Variants in MNAT1 observed in about 807,000 individuals in gnomAD.
MNAT1 encodes CDK-activating kinase assembly factor MAT1.
In MNAT1, 43 loss-of-function variants were observed where a neutral mutation model predicts 42.0. The ratio of observed to expected loss-of-function variants is 1.02; its 90% CI spans 0.80 to 1.32. The LOEUF (loss-of-function observed/expected upper bound fraction) is 1.32. Ranked by LOEUF, MNAT1 falls within the 40% of genes most tolerant of loss-of-function variation. The pLI, the probability that MNAT1 is intolerant of heterozygous loss-of-function variation, is 0.00. For synonymous variants in MNAT1, 118 were observed against 120.0 expected (o/e 0.98, Z 0.11); for missense variants, 306 against 350.4 (o/e 0.87, Z 1.01).
At chr14:60,775,924 TGA>T (rs895539704) in intron 1 of MNAT1, among the ~76,000 whole-genome samples, 1 of 152,226 alleles carries the variant, frequency 6.6e-6, no homozygotes, top group Non-Finnish European at 1.5e-5. Context: ...CTGGCAGTGT[TGA>T]GTCTTCATCT....
At chr14:60,907,758 G>GTCTCAA (rs2035236612) in intron 7 of MNAT1, among the ~76,000 whole-genome samples, 1 of 101,072 alleles carries the variant, frequency 9.9e-6, no homozygotes, top group African/African-American at 3.7e-5. Context: ...CTCCAGCCTG[G>GTCTCAA]ACAACAAGAG....
intron 1 of MNAT1, among the ~76,000 whole-genome samples, chr14:60,768,732 A>G (rs901947657): frequency 2.6e-5 from 4 of 152,200 alleles, no homozygotes; most frequent in Admixed American, 2.6e-4. Context: ...ATTGAGGCTT[A>G]GAGATTCTAA....
At chr14:60,934,346 G>T (rs1399394358) in intron 7 of MNAT1, among the ~76,000 whole-genome samples, 1 of 152,120 alleles carries the variant, frequency 6.6e-6, no homozygotes, top group Non-Finnish European at 1.5e-5. Context: ...TCTGAAAATT[G>T]ATTTCATCCT....
intron 7 of MNAT1, among the ~76,000 whole-genome samples, chr14:60,934,767 T>C (rs997945238): frequency 1.2e-4 from 19 of 152,288 alleles, no homozygotes; most frequent in African/African-American, 4.3e-4. Flanking sequence ...GCTCATTTCA[T>C]CTCTTCTGTC....
chr14:60,960,834 A>G (rs184711652), intron 7 of MNAT1, among the ~76,000 whole-genome samples: 12 of 152,300 alleles, frequency 7.9e-5, no homozygotes, highest in African/African-American at 2.6e-4. Flanking sequence ...TCACCATTGC[A>G]TCAAGCCTGG....
At chr14:60,916,435 G>A (rs956724480) in intron 7 of MNAT1, among the ~76,000 whole-genome samples, 3 of 152,172 alleles carry the variant, frequency 2.0e-5, no homozygotes, top group Non-Finnish European at 2.9e-5. Context: ...CACAAGGATC[G>A]CTTGAGCCCA....
chr14:60,814,131 G>T (rs1370971932), intron 5 of MNAT1, among the ~76,000 whole-genome samples: 2 of 151,884 alleles, frequency 1.3e-5, no homozygotes, highest in African/African-American at 4.8e-5. Flanking sequence ...AGCTCATTTT[G>T]GCTCCATGCT....
intron 1 of MNAT1, among the ~76,000 whole-genome samples, chr14:60,772,114 T>C (rs1406123779): frequency 6.6e-6 from 1 of 152,112 alleles, no homozygotes; most frequent in African/African-American, 2.4e-5. Context: ...TATTACAGGG[T>C]AATCACTAGG....
chr14:60,741,680 T>TTTTG (rs1555371492), intron 1 of MNAT1, among the ~76,000 whole-genome samples: 17 of 141,544 alleles, frequency 1.2e-4, no homozygotes, highest in African/African-American at 4.5e-4. Flanking sequence ...TTTTTTTTTT[T>TTTTG]AATTTTTAGT....
rs1399426381 is a variant in MNAT1, at chr14:60,968,441, C to G, written c.*92C>G. 1.3e-6 allele frequency: 2 copies of G among 1,541,010 alleles called. No individual in the cohort carries two copies. The highest frequency in any genetic ancestry group is 4.7e-5 in the East Asian group (2 of 42,226). On this transcript the variant is annotated 3_prime_UTR_variant, in exon 8 of 8. Transcript: ENST00000261245. ...ATTATAGCTATGTGCAGCTGCACAA[C>G]ACAGTCCTTCCACTAGCAGCTGTGT...
intron 3 of MNAT1, among the ~76,000 whole-genome samples, chr14:60,803,718 A>G (rs1042815639): frequency 6.6e-6 from 1 of 152,196 alleles, no homozygotes; most frequent in African/African-American, 2.4e-5. Context: ...AACTAGAATT[A>G]TTAGGGTGCC....
rs3049888 is a variant in MNAT1, at chr14:60,741,658, GTT to G, written c.89+6728_89+6729del. Among the ~76,000 whole-genome samples the G allele has an allele frequency of 2.5e-3, 228 of 92,016 alleles. 2 individuals carry two copies. The highest frequency in any genetic ancestry group is 8.9e-3 in the African/African-American group (216 of 24,288). 60.4% of individuals were successfully genotyped at this position (92,016 alleles called of 152,430 possible). ...ACAGGCGTGAGCCACTGCGCCTGGG[GTT>G]TTTTTTTTTTTTTTTTTTTTAATTT... On this transcript the variant is annotated intron_variant, in intron 1 of 7. Coordinates refer to ENST00000261245, the MANE Select transcript of MNAT1 (RefSeq NM_002431.4).
intron 1 of MNAT1, chr14:60,780,484 G>C: frequency 6.6e-7 from 1 of 1,518,114 alleles, no homozygotes; most frequent in Non-Finnish European, 9.2e-7. Flanking sequence ...AATGGGAAGA[G>C]TCGGGACCAC....
At chr14:60,946,165 GAAA>G (rs2036271246) in intron 7 of MNAT1, among the ~76,000 whole-genome samples, 1 of 152,074 alleles carries the variant, frequency 6.6e-6, no homozygotes, top group African/African-American at 2.4e-5. Context: ...TCTCTGTGTT[GAAA>G]TATTTCCTTT....
At chr14:60,769,207 A>G in intron 1 of MNAT1, among the ~76,000 whole-genome samples, 1 of 152,114 alleles carries the variant, frequency 6.6e-6, no homozygotes, top group Non-Finnish European at 1.5e-5. Flanking sequence ...TGGATCTCTA[A>G]ACAGTATACT....
intron 3 of MNAT1, among the ~76,000 whole-genome samples, chr14:60,805,180 G>C (rs1271008792): frequency 6.6e-6 from 1 of 151,610 alleles, no homozygotes; most frequent in Non-Finnish European, 1.5e-5. Flanking sequence ...AATTCAACAA[G>C]TATTTCTTGA....
At chr14:60,741,581 G>C (rs373500358) in intron 1 of MNAT1, among the ~76,000 whole-genome samples, 9 of 149,850 alleles carry the variant, frequency 6.0e-5, no homozygotes, top group African/African-American at 2.0e-4. Flanking sequence ...GGATGGTCTC[G>C]ATCTCCTGAC....
chr14:60,887,278 G>A lies in MNAT1; in HGVS notation c.809+7443G>A, dbSNP rs2034699154. Reference sequence around the variant, plus strand: ...TTATGCTTTAAGTTTTAGGGTACATGTGCACAATGTGCAGGTTAGTTACAT... The same window carrying A: ...TTATGCTTTAAGTTTTAGGGTACATATGCACAATGTGCAGGTTAGTTACAT... On this transcript the variant is annotated intron_variant, in intron 7 of 7. Coordinates refer to ENST00000261245, the MANE Select transcript of MNAT1 (RefSeq NM_002431.4). Among the ~76,000 whole-genome samples, 6 of 151,118 alleles carry A rather than the reference G, an allele frequency of 4.0e-5. 1 individual carries two copies. The highest frequency in any genetic ancestry group is 4.0e-4 in the Admixed American group (6 of 15,124).
chr14:60,808,410 G>C lies in MNAT1; in HGVS notation c.402G>C (p.Gln134His). The C allele has an allele frequency of 6.4e-7, 1 of 1,557,728 alleles. No homozygotes were observed. Among genetic ancestry groups the C allele is most frequent in the Non-Finnish European group, 8.7e-7 (1 of 1,151,916 alleles). Residue 134 changes from glutamine (Q) to histidine (H), a missense_variant, in exon 4 of 8, where the codon CAG becomes CAC. By Grantham distance (24) the Gln-to-His change is conservative. This residue lies in a region of MNAT1 where 118 missense variants were observed against 99.8 expected (regional missense o/e 1.18). Transcript: ENST00000261245. ...AAAAGGAAAACAAAGATGTTATTCA[G>C]AAAAATAAATTAAAGCTGGTCGGTT... ...IYQKENKDVI[Q>H]KNKLKLTREQ...
Sources: gnomAD v4.1 joint callset for allele counts (sites outside exome capture counted in the v4.1 genomes callset) on GRCh38, gnomAD v4.1.1 for gene constraint, gnomAD v4.1.1 regional missense constraint, MANE v1.5 for transcripts, NCBI Gene and HGNC (gene_info 2026-07-23, HGNC 2026-07-21) for gene names.